TAPT1: variants seen among roughly 807,000 people sequenced by gnomAD.
TAPT1 encodes transmembrane anterior posterior transformation 1, also known as transmembrane anterior posterior transformation protein 1 homolog.
Under a neutral mutation model 65.6 loss-of-function variants are expected in TAPT1, and 28 were observed. The observed-to-expected ratio is 0.43, with a 90% CI of 0.32 to 0.59. The LOEUF (loss-of-function observed/expected upper bound fraction) is 0.59, where lower values mean the gene tolerates loss of function less well. TAPT1 is among the 20% of genes least tolerant of loss of function. TAPT1 has a pLI of 0.09. For synonymous variants in TAPT1, 278 were observed against 245.2 expected, an observed-to-expected ratio of 1.13 and a Z score of -1.25; for missense variants, 563 against 679.9, an observed-to-expected ratio of 0.83 and a Z score of 1.91.
chr4:16,210,158 C>T (rs973334586), intron 2 of TAPT1, among the ~76,000 whole-genome samples: 2 of 152,156 alleles, frequency 1.3e-5, no homozygotes, highest in Admixed American at 1.3e-4. Context: ...CCCAGACAGC[C>T]TAGGTAAAAG....
At chr4:16,198,754 T>C (rs1749865837) in intron 3 of TAPT1, among the ~76,000 whole-genome samples, 1 of 152,160 alleles carries the variant, frequency 6.6e-6, no homozygotes, top group South Asian at 2.1e-4. Flanking sequence ...AACACAGGAA[T>C]AAAAGCTATC....
intron 12 of TAPT1, 134 bp downstream of exon 12, chr4:16,170,519 T>A (rs939166772): frequency 3.6e-6 from 2 of 558,078 alleles, no homozygotes; most frequent in Admixed American, 5.9e-5. Flanking sequence ...ATAAATACAC[T>A]TGGAGGTATA....
At position 16,161,721 on chromosome 4, in the gene TAPT1, A is replaced by G. The variant is rs1747262011; in HGVS notation, c.*1587T>C. On this transcript the variant is annotated 3_prime_UTR_variant, in exon 14 of 14. Transcript: ENST00000405303. ...CAATTTCCTCAACATTAATCTTCAG[A>G]TTTCTTTAGTTAATGCAAAACATTA... The G allele has an allele frequency of 1.3e-5, 2 of 152,352 alleles. No homozygotes were observed. Among genetic ancestry groups the G allele is most frequent in the African/African-American group, 2.4e-5 (1 of 41,572 alleles). 9.4% of individuals were successfully genotyped at this position (152,352 alleles called of 1,614,324 possible).
At chr4:16,227,076 C>T, upstream of TAPT1, 1 of 454,742 alleles carries the variant, frequency 2.2e-6, no homozygotes, top group Non-Finnish European at 4.4e-6. Flanking sequence ...TCCATCTCTT[C>T]TGCATATTTA....
At chr4:16,166,837 TA>T in intron 12 of TAPT1, 44 bp from the exon 13 acceptor site, 1 of 1,596,378 alleles carries the variant, frequency 6.3e-7, no homozygotes, top group Non-Finnish European at 8.6e-7. Flanking sequence ...GGAATTCATC[TA>T]AATCCCTGTG....
At chr4:16,174,618 T>A in intron 10 of TAPT1, 52 bp downstream of exon 10, 1 of 1,458,382 alleles carries the variant, frequency 6.9e-7, no homozygotes, top group Non-Finnish European at 9.3e-7. Flanking sequence ...ATTCAGTTAA[T>A]TTCAGACTAT....
intron 8 of TAPT1, chr4:16,176,834 T>C (rs116097466): frequency 1.7e-4 from 26 of 152,368 alleles, no homozygotes; most frequent in African/African-American, 6.3e-4. Flanking sequence ...ATGGGATGAC[T>C]AGATTAAGCA....
At chr4:16,201,802 G>A (rs569410745) in intron 3 of TAPT1, among the ~76,000 whole-genome samples, 1 of 152,256 alleles carries the variant, frequency 6.6e-6, no homozygotes, top group South Asian at 2.1e-4. Flanking sequence ...AAGATGCTGA[G>A]CTCTCAATAC....
At position 16,210,652 on chromosome 4, in the gene TAPT1, G is replaced by T. The variant is rs775988592; in HGVS notation, c.330+3116C>A. ...TGAAGCCAAGACTCAGAGTTAGACA[G>T]TTCGGCTTTAGAGATGATCCCCTTA... is the stretch of plus-strand genomic sequence containing the variant. On this transcript the variant is annotated intron_variant, in intron 2 of 13. Transcript: ENST00000405303. Among the ~76,000 whole-genome samples, 135 of 152,212 alleles carry T rather than the reference G, an allele frequency of 8.9e-4. 1 individual carries two copies. The highest frequency in any genetic ancestry group is 2.2e-4 in the Non-Finnish European group (15 of 68,038).
chr4:16,189,038 T>G (rs73234644), intron 4 of TAPT1, among the ~76,000 whole-genome samples: 10,806 of 152,256 alleles, frequency 0.071, 553 homozygotes, highest in Middle Eastern at 0.14. Flanking sequence ...CCTACTCATA[T>G]CTAATATTTG....
At chr4:16,174,133 A>C in intron 11 of TAPT1, 71 bp downstream of exon 11, 1 of 1,196,808 alleles carries the variant, frequency 8.4e-7, no homozygotes, top group South Asian at 1.4e-5. Flanking sequence ...AATCATATTA[A>C]TAATCCATTT....
Position 16,163,372 on chromosome 4 carries a change from C to A in TAPT1, c.1640G>T (p.Arg547Ile). 6.2e-7 allele frequency: 1 copy of A among 1,613,986 alleles called. No individual in the cohort carries two copies. The highest frequency in any genetic ancestry group is 8.5e-7 in the Non-Finnish European group (1 of 1,179,886). The change falls in exon 14 of 14, where the codon AGA (arginine) becomes ATA (isoleucine). Residue 547 changes from arginine (R) to isoleucine (I), a missense_variant. Arg to Ile is a moderately conservative substitution (Grantham distance 97, BLOSUM62 -3). Coordinates refer to ENST00000405303, the MANE Select transcript of TAPT1 (RefSeq NM_153365.3). ...ITQDNSELKH[R>I]SSKKDLLEID... ...CTCTAACAAATCTTTCTTTGAGGATCTGTGTTTTAATTCAGAATTGTCCTG... is the reference window on the plus strand; with the variant it reads ...CTCTAACAAATCTTTCTTTGAGGATATGTGTTTTAATTCAGAATTGTCCTG...
chr4:16,188,149 TG>T, intron 5 of TAPT1, 70 bp downstream of exon 5: 1 of 1,306,856 alleles, frequency 7.7e-7, no homozygotes, highest in Non-Finnish European at 1.0e-6. Flanking sequence ...ATCTATAAAA[TG>T]GCTAACCAAA....
intron 1 of TAPT1, among the ~76,000 whole-genome samples, chr4:16,223,056 T>C (rs1751345724): frequency 6.6e-6 from 1 of 152,190 alleles, no homozygotes; most frequent in East Asian, 1.9e-4. Flanking sequence ...TAAGTCTCCA[T>C]GGTGACTAGA....
At chr4:16,218,276 G>GAC (rs1751051142) in intron 1 of TAPT1, among the ~76,000 whole-genome samples, 1 of 152,070 alleles carries the variant, frequency 6.6e-6, no homozygotes, top group Non-Finnish European at 1.5e-5. Context: ...GTGGTGGCAG[G>GAC]TGCCTGTAAT....
intron 7 of TAPT1, among the ~76,000 whole-genome samples, chr4:16,184,252 T>C (rs1288915719): frequency 6.6e-6 from 1 of 152,234 alleles, no homozygotes; most frequent in Non-Finnish European, 1.5e-5. Flanking sequence ...AAACTTCATA[T>C]AAATGAAATA....
chr4:16,223,316 C>A (rs974561426), intron 1 of TAPT1, among the ~76,000 whole-genome samples: 5 of 152,136 alleles, frequency 3.3e-5, no homozygotes, highest in Non-Finnish European at 7.4e-5. Flanking sequence ...AAGTGGGGAA[C>A]AAGCACAAAA....
At chr4:16,190,438 A>C (rs576897839) in intron 4 of TAPT1, 39 of 151,968 alleles carry the variant, frequency 2.6e-4, no homozygotes, top group African/African-American at 8.9e-4. Context: ...TCTAGGGTTC[A>C]TGTGATTCTC....
chr4:16,215,566 C>G (rs879696163), intron 1 of TAPT1, among the ~76,000 whole-genome samples: 1 of 152,048 alleles, frequency 6.6e-6, no homozygotes, highest in Non-Finnish European at 1.5e-5. Context: ...ATGAGAGATA[C>G]CTGGAGTTGA....
Sources: allele counts gnomAD v4.1 joint callset (sites outside exome capture counted in the v4.1 genomes callset), GRCh38; gene constraint gnomAD v4.1.1; transcripts MANE v1.5; gene names NCBI Gene and HGNC (gene_info 2026-07-23, HGNC 2026-07-21).